The following TBCA variants were observed in gnomAD, a reference collection of about 807,000 sequenced individuals.
TBCA encodes tubulin-specific chaperone A.
Under a neutral mutation model 15.8 loss-of-function variants are expected in TBCA, and 6 were observed. The observed-to-expected ratio is 0.38, with a 90% CI of 0.21 to 0.75. TBCA has a LOEUF of 0.75. Among genes scored for constraint, TBCA ranks in the 30% least tolerant of loss-of-function variants. The pLI is 0.46. For synonymous variants in TBCA, 32 were observed against 42.3 expected, an observed-to-expected ratio of 0.76 and a Z score of 0.94; for missense variants, 90 against 131.2, an observed-to-expected ratio of 0.69 and a Z score of 1.53.
At chr5:77,740,821 A>C in intron 1 of TBCA, among the ~76,000 whole-genome samples, 1 of 92,214 alleles carries the variant, frequency 1.1e-5, no homozygotes, top group East Asian at 2.1e-4. Flanking sequence ...GAAAACATTT[A>C]AGTAAGGGTA....
intron 1 of TBCA, among the ~76,000 whole-genome samples, chr5:77,716,939 G>T (rs1311521634): frequency 6.6e-6 from 1 of 152,164 alleles, no homozygotes; most frequent in African/African-American, 2.4e-5. Flanking sequence ...ACCCAACTCT[G>T]GCCAAAGCTA....
intron 1 of TBCA, among the ~76,000 whole-genome samples, chr5:77,770,304 ACT>A (rs1747876244): frequency 6.6e-6 from 1 of 152,218 alleles, no homozygotes; most frequent in Non-Finnish European, 1.5e-5. Context: ...AACAAAAGCT[ACT>A]CTGTCAAGGA....
chr5:77,770,663 T>C (rs768730034), intron 1 of TBCA, among the ~76,000 whole-genome samples: 11 of 151,712 alleles, frequency 7.3e-5, no homozygotes, highest in Admixed American at 2.6e-4. Context: ...GCTGCCAGAT[T>C]AGTTGTGACC....
intron 1 of TBCA, among the ~76,000 whole-genome samples, chr5:77,754,290 C>T (rs1747423722): frequency 6.6e-6 from 1 of 152,192 alleles, no homozygotes; most frequent in Non-Finnish European, 1.5e-5. Context: ...CTTTACATCT[C>T]TCTTACTTCC....
chr5:77,749,235 A>G (rs1747258784), intron 1 of TBCA, among the ~76,000 whole-genome samples: 1 of 152,242 alleles, frequency 6.6e-6, no homozygotes, highest in Non-Finnish European at 1.5e-5. Context: ...GAAGGTGATG[A>G]GTGTCAACAC....
intron 1 of TBCA, among the ~76,000 whole-genome samples, chr5:77,745,508 G>C (rs1324408824): frequency 6.6e-6 from 1 of 152,198 alleles, no homozygotes; most frequent in Non-Finnish European, 1.5e-5. Flanking sequence ...ACACTAGTCT[G>C]AATTTTCACA....
intron 1 of TBCA, among the ~76,000 whole-genome samples, chr5:77,712,784 AT>A (rs1310934290): frequency 2.0e-5 from 3 of 152,186 alleles, no homozygotes; most frequent in African/African-American, 7.2e-5. Context: ...CACTGCAGAA[AT>A]ATTAATGTGT....
At chr5:77,740,737 T>A (rs1321814196) in intron 1 of TBCA, among the ~76,000 whole-genome samples, 1 of 151,976 alleles carries the variant, frequency 6.6e-6, no homozygotes, top group East Asian at 1.9e-4. Flanking sequence ...ATAACTGAGG[T>A]CATGAGTGGG....
intron 1 of TBCA, among the ~76,000 whole-genome samples, chr5:77,738,195 AT>A (rs1444845029): frequency 3.2e-4 from 48 of 152,148 alleles, no homozygotes; most frequent in African/African-American, 1.2e-3. Context: ...CCACTATAAA[AT>A]TTTCAAGACA....
chr5:77,743,583 G>A (rs1273623343), intron 1 of TBCA, among the ~76,000 whole-genome samples: 1 of 152,174 alleles, frequency 6.6e-6, no homozygotes, highest in African/African-American at 2.4e-5. Flanking sequence ...GCCGTCAGGG[G>A]AATCCCATGT....
chr5:77,741,388 T>C (rs562907607), intron 1 of TBCA, among the ~76,000 whole-genome samples: 1 of 152,110 alleles, frequency 6.6e-6, no homozygotes, highest in Non-Finnish European at 1.5e-5. Context: ...CACAGAATGT[T>C]GGCTTTCAAT....
intron 1 of TBCA, among the ~76,000 whole-genome samples, chr5:77,719,998 G>A (rs895918642): frequency 2.0e-5 from 3 of 152,052 alleles, no homozygotes; most frequent in African/African-American, 7.2e-5. Flanking sequence ...CTGTACATTT[G>A]ACTTTTTATC....
chr5:77,713,971 C>T (rs1746339540), intron 1 of TBCA, among the ~76,000 whole-genome samples: 1 of 148,086 alleles, frequency 6.8e-6, no homozygotes. Flanking sequence ...GAAAGGGCTT[C>T]ATAAGTGCCT....
At chr5:77,714,973 A>T (rs1037893132) in intron 1 of TBCA, among the ~76,000 whole-genome samples, 4 of 152,244 alleles carry the variant, frequency 2.6e-5, no homozygotes, top group African/African-American at 9.6e-5. Context: ...TTAGTGGGGA[A>T]ATAAAATTAA....
At chr5:77,748,139 T>C (rs894114389) in intron 1 of TBCA, among the ~76,000 whole-genome samples, 2 of 152,070 alleles carry the variant, frequency 1.3e-5, no homozygotes, top group Non-Finnish European at 2.9e-5. Context: ...CTGAAAAAAA[T>C]GGTTGAAGTT....
At chr5:77,735,436 T>C (rs185731007) in intron 1 of TBCA, among the ~76,000 whole-genome samples, 137 of 152,252 alleles carry the variant, frequency 9.0e-4, no homozygotes, top group East Asian at 4.4e-3. Context: ...TTAGCATCCT[T>C]TGAGGCTTTC....
At chr5:77,722,071 A>G (rs1226536655) in intron 1 of TBCA, among the ~76,000 whole-genome samples, 1 of 152,048 alleles carries the variant, frequency 6.6e-6, no homozygotes, top group Non-Finnish European at 1.5e-5. Flanking sequence ...ACTTTTTGCA[A>G]GCTGTTGTTC....
chr5:77,735,804 C>T (rs538143702), intron 1 of TBCA, among the ~76,000 whole-genome samples: 18 of 152,112 alleles, frequency 1.2e-4, no homozygotes, highest in South Asian at 2.1e-4. Context: ...TACCTACATG[C>T]GAAATGGTGT....
At chr5:77,735,615 AT>A (rs1561275142) in intron 1 of TBCA, among the ~76,000 whole-genome samples, 1 of 152,108 alleles carries the variant, frequency 6.6e-6, no homozygotes, top group African/African-American at 2.4e-5. Flanking sequence ...CTTGACTTTA[AT>A]TTTCCTAAAA....
Sources: gnomAD v4.1 joint callset for allele counts (sites outside exome capture counted in the v4.1 genomes callset) on GRCh38, gnomAD v4.1.1 for gene constraint, MANE v1.5 for transcripts, NCBI Gene and HGNC (gene_info 2026-07-23, HGNC 2026-07-21) for gene names.